Variants in ANKS1B observed in about 807,000 individuals in gnomAD.
The protein encoded by ANKS1B is ankyrin repeat and sterile alpha motif domain containing 1B.
ANKS1B carries 36 observed loss-of-function variants against 148.3 expected under a neutral mutation model. The observed-to-expected ratio is 0.24, with a 90% CI of 0.19 to 0.32. ANKS1B has a LOEUF of 0.32. ANKS1B is among the 10% of genes least tolerant of loss of function. The pLI is 1.00. For missense variants in ANKS1B, 1,157 were observed against 1,542.6 expected, an observed-to-expected ratio of 0.75 and a Z score of 4.19; for synonymous variants, 542 against 560.8, an observed-to-expected ratio of 0.97 and a Z score of 0.47.
chr12:99,253,019 T>A (rs987662080), intron 12 of ANKS1B, among the ~76,000 whole-genome samples: 1 of 151,622 alleles, frequency 6.6e-6, no homozygotes, highest in Non-Finnish European at 1.5e-5. Flanking sequence ...AGCCCAGGAG[T>A]TTGAGACCAG....
intron 12 of ANKS1B, among the ~76,000 whole-genome samples, chr12:99,291,864 G>A (rs2080049093): frequency 6.6e-6 from 1 of 152,158 alleles, no homozygotes. Context: ...CACATCTACA[G>A]CCATCTTATC....
At chr12:99,982,535 A>G (rs1047734914) in intron 1 of ANKS1B, among the ~76,000 whole-genome samples, 1 of 152,200 alleles carries the variant, frequency 6.6e-6, no homozygotes, top group Non-Finnish European at 1.5e-5. Context: ...CAGTTTTTAG[A>G]CATAATCATT....
chr12:99,775,195 T>C lies in ANKS1B; in HGVS notation c.961+353A>G, dbSNP rs369273733. Among the ~76,000 whole-genome samples the C allele has an allele frequency of 5.3e-5, 8 of 152,304 alleles. 1 individual carries two copies. Among genetic ancestry groups the C allele is most frequent in the African/African-American group, 1.4e-4 (6 of 41,588 alleles). On this transcript the variant is annotated intron_variant, in intron 7 of 26. Coordinates refer to ENST00000683438, the MANE Select transcript of ANKS1B (RefSeq NM_001352186.2). ...AAAATACTATGTGAGATGATGGCTA[T>C]GTTAATTAGCTTGATTTTGGCAATT... is the stretch of plus-strand genomic sequence containing the variant.
At chr12:99,667,068 G>A (rs2098512006) in intron 8 of ANKS1B, among the ~76,000 whole-genome samples, 1 of 152,028 alleles carries the variant, frequency 6.6e-6, no homozygotes, top group African/African-American at 2.4e-5. Context: ...ATTTTCAGCT[G>A]AGTGCAGTGG....
chr12:98,800,916 T>C, intron 21 of ANKS1B, 81 bp downstream of exon 21: 1 of 1,472,152 alleles, frequency 6.8e-7, no homozygotes, highest in Non-Finnish European at 9.2e-7. Flanking sequence ...TTTTGGTATA[T>C]TTTCAATGTA....
intron 17 of ANKS1B, among the ~76,000 whole-genome samples, chr12:98,846,336 T>C (rs1240676437): frequency 1.3e-5 from 2 of 152,230 alleles, no homozygotes; most frequent in African/African-American, 2.4e-5. Flanking sequence ...GAAGGTTTCA[T>C]TGTAAAAAAG....
chr12:99,160,504 ATTT>A (rs3077550), intron 14 of ANKS1B, among the ~76,000 whole-genome samples: 6,702 of 136,710 alleles, frequency 0.049, 188 homozygotes, highest in East Asian at 0.13. Context: ...ACACCAGGCT[ATTT>A]TTTTTTTTTT....
At chr12:99,496,354 A>G (rs956668859) in intron 10 of ANKS1B, among the ~76,000 whole-genome samples, 1 of 152,216 alleles carries the variant, frequency 6.6e-6, no homozygotes, top group Non-Finnish European at 1.5e-5. Flanking sequence ...TCTTTTAAAC[A>G]TAATATCCAT....
chr12:99,289,577 GACC>G (rs1285860986), intron 12 of ANKS1B, among the ~76,000 whole-genome samples: 1 of 151,990 alleles, frequency 6.6e-6, no homozygotes, highest in Non-Finnish European at 1.5e-5. Flanking sequence ...TCTCTTCTCT[GACC>G]ACAATGGAAT....
intron 1 of ANKS1B, among the ~76,000 whole-genome samples, chr12:99,919,716 G>C (rs2094290718): frequency 6.7e-6 from 1 of 149,480 alleles, no homozygotes; most frequent in Admixed American, 6.7e-5. Flanking sequence ...GTAGCCTCTA[G>C]CCACAGGTGG....
chr12:99,720,501 C>G (rs1202206700), intron 8 of ANKS1B, among the ~76,000 whole-genome samples: 3 of 152,136 alleles, frequency 2.0e-5, no homozygotes, highest in Non-Finnish European at 1.5e-5. Context: ...TCAGTTAAAC[C>G]TTTATTTCCC....
At chr12:98,745,894 G>A (rs1395943929) in intron 26 of ANKS1B, 45 bp from the exon 27 acceptor site, 3 of 1,578,750 alleles carry the variant, frequency 1.9e-6, no homozygotes, top group South Asian at 2.3e-5. Context: ...TCGCCGCGCG[G>A]GTGCGCGCAT....
intron 9 of ANKS1B, among the ~76,000 whole-genome samples, chr12:99,545,884 CCTTT>C (rs1236413623): frequency 6.6e-6 from 1 of 151,644 alleles, no homozygotes; most frequent in Non-Finnish European, 1.5e-5. Flanking sequence ...CATTTGCCTT[CCTTT>C]CTATTTTCTT....
At chr12:99,069,292 C>T (rs1384087095) in intron 16 of ANKS1B, among the ~76,000 whole-genome samples, 7 of 152,152 alleles carry the variant, frequency 4.6e-5, no homozygotes, top group Admixed American at 3.9e-4. Context: ...AGTGATCTGG[C>T]TGAAGTGCAT....
chr12:98,963,840 C>T (rs2099875550), intron 17 of ANKS1B, among the ~76,000 whole-genome samples: 1 of 152,142 alleles, frequency 6.6e-6, no homozygotes, highest in Non-Finnish European at 1.5e-5. Context: ...TGGCTCATGC[C>T]TGTAATCCTA....
chr12:98,796,402 G>A (rs539780175), intron 22 of ANKS1B, among the ~76,000 whole-genome samples: 2 of 152,124 alleles, frequency 1.3e-5, no homozygotes, highest in African/African-American at 4.8e-5. Context: ...TTTTTCATGG[G>A]GAGTTTTGAT....
At chr12:99,011,289 A>G (rs965940034) in intron 17 of ANKS1B, among the ~76,000 whole-genome samples, 2 of 152,222 alleles carry the variant, frequency 1.3e-5, no homozygotes, top group East Asian at 1.9e-4. Context: ...AAGACCAAAC[A>G]GTCATATCCT....
intron 1 of ANKS1B, among the ~76,000 whole-genome samples, chr12:99,887,791 G>A (rs2092905448): frequency 6.6e-6 from 1 of 152,154 alleles, no homozygotes; most frequent in South Asian, 2.1e-4. Flanking sequence ...CCACTTCCCT[G>A]TTAATTTAAG....
intron 8 of ANKS1B, among the ~76,000 whole-genome samples, chr12:99,665,174 T>C (rs1446225401): frequency 1.3e-5 from 2 of 152,194 alleles, no homozygotes; most frequent in Non-Finnish European, 2.9e-5. Context: ...CATCAAACTT[T>C]TTAAGAAACT....
Sources: allele counts gnomAD v4.1 joint callset (sites outside exome capture counted in the v4.1 genomes callset), GRCh38; gene constraint gnomAD v4.1.1; transcripts MANE v1.5; gene names NCBI Gene and HGNC (gene_info 2026-07-23, HGNC 2026-07-21).